EFHD1: variants seen among roughly 807,000 people sequenced by gnomAD.
EFHD1 encodes EF-hand domain-containing protein D1.
Under a neutral mutation model 17.2 loss-of-function variants are expected in EFHD1, and 10 were observed. The ratio of observed to expected loss-of-function variants is 0.58; its 90% CI spans 0.36 to 0.99. EFHD1 has a LOEUF of 0.99. Among genes scored for constraint, EFHD1 ranks in the 50% least tolerant of loss-of-function variants. The pLI is 0.01. For synonymous variants in EFHD1, 153 were observed against 142.0 expected (o/e 1.08, Z -0.55); for missense variants, 310 against 327.5 (o/e 0.95, Z 0.41).
At chr2:232,643,095 T>TC in intron 1 of EFHD1, among the ~76,000 whole-genome samples, 1 of 151,598 alleles carries the variant, frequency 6.6e-6, no homozygotes, top group Non-Finnish European at 1.5e-5. Context: ...GGTGTGAGTT[T>TC]CCCCGAGTCA....
intron 2 of EFHD1, 30 bp from the exon 3 acceptor site, chr2:232,672,279 C>G: frequency 6.2e-7 from 1 of 1,614,128 alleles, no homozygotes; most frequent in Non-Finnish European, 8.5e-7. Flanking sequence ...GTGAGACTGA[C>G]TCTGGTTCCC....
chr2:232,642,373 CAAAAAAAA>C (rs764647177), intron 1 of EFHD1, among the ~76,000 whole-genome samples: 4 of 68,968 alleles, frequency 5.8e-5, no homozygotes, highest in South Asian at 6.7e-4. Flanking sequence ...GACTCTGTCT[CAAAAAAAA>C]AAAAAAAAAA....
rs145435417 is a variant in EFHD1, at chr2:232,667,010, T to C, written c.450+4061T>C. Among the ~76,000 whole-genome samples, 343 of 152,344 alleles carry C rather than the reference T, an allele frequency of 2.3e-3. 6 individuals carry two copies. The highest frequency in any genetic ancestry group is 0.017 in the Admixed American group (262 of 15,304). ...ATAGCTTTCCCCGCTATTGTGACCA[T>C]TGTGAAAACTAAGTTTTCTTTCTGT... On this transcript the variant is annotated intron_variant, in intron 2 of 3. Coordinates refer to ENST00000264059, the MANE Select transcript of EFHD1 (RefSeq NM_025202.4).
intron 1 of EFHD1, among the ~76,000 whole-genome samples, chr2:232,621,058 C>G (rs1447967208): frequency 6.6e-6 from 1 of 152,102 alleles, no homozygotes; most frequent in Non-Finnish European, 1.5e-5. Flanking sequence ...GTTGCTAAGG[C>G]CAAGGTTTTC....
intron 1 of EFHD1, among the ~76,000 whole-genome samples, chr2:232,625,661 A>G (rs1694093452): frequency 6.6e-6 from 1 of 152,174 alleles, no homozygotes; most frequent in Non-Finnish European, 1.5e-5. Context: ...GAAATAAGGT[A>G]GATTAATGAT....
chr2:232,664,420 T>C lies in EFHD1; in HGVS notation c.450+1471T>C, dbSNP rs114326236. On this transcript the variant is annotated intron_variant, in intron 2 of 3. Transcript: ENST00000264059. ...ATGAGCCACCTTGCCTAGCTACTTT[T>C]TATTTTTATAGCATGCAAAAATTGT... Among the ~76,000 whole-genome samples the C allele has an allele frequency of 6.8e-3, 1,027 of 152,022 alleles. 10 individuals carry two copies. The highest frequency in any genetic ancestry group is 0.024 in the African/African-American group (982 of 41,456).
chr2:232,676,888 A>G (rs1297832393), intron 3 of EFHD1, among the ~76,000 whole-genome samples: 1 of 151,668 alleles, frequency 6.6e-6, no homozygotes, highest in Non-Finnish European at 1.5e-5. Context: ...ACACCTGGAC[A>G]CTTTGGGAAG....
chr2:232,637,489 G>A (rs144363025), intron 1 of EFHD1, among the ~76,000 whole-genome samples: 5,238 of 151,720 alleles, frequency 0.035, 149 homozygotes, highest in Non-Finnish European at 0.049. Context: ...GACTACAGGC[G>A]CGCACCACCA....
At chr2:232,623,983 G>A (rs2106188035) in intron 1 of EFHD1, among the ~76,000 whole-genome samples, 1 of 152,236 alleles carries the variant, frequency 6.6e-6, no homozygotes, top group African/African-American at 2.4e-5. Context: ...TGGGAGGATG[G>A]AGCTTCCTAG....
chr2:232,637,902 G>GT (rs766965690), intron 1 of EFHD1, among the ~76,000 whole-genome samples: 31 of 152,292 alleles, frequency 2.0e-4, no homozygotes, highest in Middle Eastern at 3.4e-3. Flanking sequence ...CAGCCTCTGA[G>GT]TTTGTTGGGT....
chr2:232,607,543 G>A (rs1244084864), intron 1 of EFHD1, among the ~76,000 whole-genome samples: 4 of 151,156 alleles, frequency 2.6e-5, no homozygotes, highest in African/African-American at 4.9e-5. Context: ...GCACTTAGCC[G>A]AGATCGCACC....
At chr2:232,629,724 C>T (rs555662542), upstream of EFHD1, among the ~76,000 whole-genome samples, 1 of 152,172 alleles carries the variant, frequency 6.6e-6, no homozygotes, top group East Asian at 1.9e-4. Flanking sequence ...CCGCCTCGGC[C>T]TCCCAAAGTG....
intron 2 of EFHD1, among the ~76,000 whole-genome samples, chr2:232,664,073 T>C (rs1473579745): frequency 2.0e-5 from 3 of 152,256 alleles, no homozygotes; most frequent in Non-Finnish European, 2.9e-5. Flanking sequence ...ATTACAGTCG[T>C]GAGCCACCTT....
intron 1 of EFHD1, among the ~76,000 whole-genome samples, chr2:232,623,566 C>T (rs1694054482): frequency 6.7e-6 from 1 of 148,648 alleles, no homozygotes; most frequent in African/African-American, 2.5e-5. Flanking sequence ...CCCAGCTTCT[C>T]AGGAGGCAGA....
chr2:232,631,767 C>G (rs13019086), upstream of EFHD1, among the ~76,000 whole-genome samples: 11,430 of 148,822 alleles, frequency 0.077, 512 homozygotes, highest in African/African-American at 0.13. Flanking sequence ...TTCGGGAGGC[C>G]GAGGTGGGAG....
chr2:232,646,593 C>T (rs944773770), intron 1 of EFHD1, among the ~76,000 whole-genome samples: 15 of 151,874 alleles, frequency 9.9e-5, no homozygotes, highest in African/African-American at 1.9e-4. Context: ...TACAGGCATG[C>T]GCCACCATGC....
upstream of EFHD1, among the ~76,000 whole-genome samples, chr2:232,633,006 T>A (rs1381219279): frequency 1.3e-5 from 2 of 149,664 alleles, no homozygotes; most frequent in Non-Finnish European, 1.5e-5. Flanking sequence ...AAAACGGGAG[T>A]TTTTTCTGCT....
chr2:232,654,564 G>A (rs940326409), intron 1 of EFHD1, among the ~76,000 whole-genome samples: 2 of 151,802 alleles, frequency 1.3e-5, no homozygotes, highest in East Asian at 2.0e-4. Flanking sequence ...GGGATTACAG[G>A]TGTGGGTATC....
rs538078321 is a variant in EFHD1, at chr2:232,647,057, C to T, written c.302+13051C>T. Among the ~76,000 whole-genome samples the T allele has an allele frequency of 6.6e-5, 10 of 152,378 alleles. No individual in the cohort carries two copies. The South Asian group carries it at 8.3e-4, about 13-fold the overall frequency. On this transcript the variant is annotated intron_variant, in intron 1 of 3. Transcript: ENST00000264059. ...CCTCCAGCAGAGCCACTGACCCACA[C>T]GGGCACACACCTGTAAGTGAGACCT...
Sources: allele counts gnomAD v4.1 joint callset (sites outside exome capture counted in the v4.1 genomes callset), GRCh38; gene constraint gnomAD v4.1.1; transcripts MANE v1.5; gene names NCBI Gene and HGNC (gene_info 2026-07-23, HGNC 2026-07-21).